Variants in IGSF1 observed in about 807,000 individuals in gnomAD.
The protein encoded by IGSF1 is immunoglobulin superfamily member 1, also known as immunoglobulin-like domain-containing protein 1.
A neutral mutation model predicts 95.3 loss-of-function variants in IGSF1; 40 were observed. The ratio of observed to expected loss-of-function variants is 0.42; its 90% CI spans 0.33 to 0.55. The LOEUF (loss-of-function observed/expected upper bound fraction) is 0.55, where lower values mean the gene tolerates loss of function less well. Among genes scored for constraint, IGSF1 ranks in the 20% least tolerant of loss-of-function variants. The pLI, the probability that IGSF1 is intolerant of heterozygous loss-of-function variation, is 0.10. For synonymous variants in IGSF1, 372 were observed against 382.9 expected, an observed-to-expected ratio of 0.97 and a Z score of 0.33; for missense variants, 906 against 1,025.4, an observed-to-expected ratio of 0.88 and a Z score of 1.59.
chrX:131,284,918 A>G, intron 5 of IGSF1: 1 of 741,376 alleles, frequency 1.3e-6, no homozygotes, highest in Non-Finnish European at 1.7e-6. Flanking sequence ...CAAGTTGAGA[A>G]CAACAAAGCT....
chrX:131,277,145 G>A lies in IGSF1; in HGVS notation c.2402C>T (p.Thr801Ile). 2 of 1,210,996 alleles carry A rather than the reference G, an allele frequency of 1.7e-6. No homozygotes were observed. The highest frequency in any genetic ancestry group is 1.1e-6 in the Non-Finnish European group (1 of 894,788). Residue 801 changes from threonine to isoleucine, a missense_variant, in exon 14 of 20, where the codon ACC becomes ATC. Thr to Ile is a moderately conservative substitution (Grantham distance 89). Coordinates refer to ENST00000361420, the MANE Select transcript of IGSF1 (RefSeq NM_001555.5). ...PGARVTFNCS[T>I]PHQHMSFILY... ...AATAAAGCTCATATGCTGGTGGGGG[G>A]TGGAGCAATTGAAAGTCACTCGGGC...
intron 7 of IGSF1, 38 bp from the exon 8 acceptor site, chrX:131,281,982 C>T: frequency 8.8e-7 from 1 of 1,130,301 alleles, no homozygotes; most frequent in East Asian, 3.0e-5. Flanking sequence ...GAAGTGACCT[C>T]AAACCCAGTA....
At chrX:131,276,581 C>T (rs902040491) in intron 14 of IGSF1, among the ~76,000 whole-genome samples, 5 of 111,188 alleles carry the variant, frequency 4.5e-5, no homozygotes, top group Non-Finnish European at 5.7e-5. Context: ...TCCAGCCCAC[C>T]GGTCTCTGAC....
intron 5 of IGSF1, among the ~76,000 whole-genome samples, chrX:131,283,562 T>C (rs1036811447): frequency 2.7e-5 from 3 of 112,098 alleles, no homozygotes; most frequent in African/African-American, 9.7e-5. Flanking sequence ...ATGCCAAATG[T>C]AGTTCTTTCA....
At position 131,277,168 on chromosome X, in the gene IGSF1, G is replaced by T. The variant is rs2080487559; in HGVS notation, c.2379C>A (p.Ala793=). The change falls in exon 14 of 20, where the codon GCC becomes GCA. Residue 793 remains alanine, a synonymous_variant. Coordinates refer to ENST00000361420, the MANE Select transcript of IGSF1 (RefSeq NM_001555.5). Reference sequence around the variant, plus strand: ...GGGTGGAGCAATTGAAAGTCACTCGGGCACCAGGGGTGACCACAGGGCTGG... The same window carrying T: ...GGGTGGAGCAATTGAAAGTCACTCGTGCACCAGGGGTGACCACAGGGCTGG... The part of the protein sequence containing the change: ...TWASPVVTPG[A]RVTFNCSTPH... 4 of 1,208,907 alleles carry T rather than the reference G, an allele frequency of 3.3e-6. No homozygotes were observed. Among genetic ancestry groups the T allele is most frequent in the Non-Finnish European group, 4.5e-6 (4 of 894,683 alleles).
chrX:131,276,970 C>T lies in IGSF1; in HGVS notation c.2577G>A (p.Glu859=). 8.3e-7 allele frequency: 1 copy of T among 1,211,609 alleles called. No homozygotes were observed. Reference sequence around the variant, plus strand: ...CCACGAGCTCCACAGGGTCGCTGGGCTCAGACCAGATAGAAAAGTCATAAT... The same window carrying T: ...CCACGAGCTCCACAGGGTCGCTGGGTTCAGACCAGATAGAAAAGTCATAAT... ...CRYYDFSIWS[E]PSDPVELVVT... The change falls in exon 14 of 20, where the codon GAG becomes GAA. Residue 859 remains glutamate (E), a synonymous_variant. Coordinates refer to ENST00000361420, the MANE Select transcript of IGSF1 (RefSeq NM_001555.5).
intron 11 of IGSF1, 94 bp from the exon 12 acceptor site, chrX:131,278,845 C>A: frequency 1.2e-6 from 1 of 823,187 alleles, no homozygotes; most frequent in South Asian, 2.4e-5. Flanking sequence ...ACACTGCCCA[C>A]CTCCCCTTGC....
Position 131,275,472 on chromosome X carries a change from C to T in IGSF1, c.3184+6G>A. 1 of 1,207,927 alleles carries T rather than the reference C, an allele frequency of 8.3e-7. No individual in the cohort carries two copies. Among genetic ancestry groups the T allele is most frequent in the Non-Finnish European group, 1.1e-6 (1 of 892,604 alleles). On this transcript the variant is annotated splice_donor_region_variant and intron_variant, in intron 16 of 19. Transcript: ENST00000361420. ...CCATGCCCACTCGACAGCCTCTTCC[C>T]CTTACCTGTGACTAGGAGTTCCAGG...
At position 131,285,481 on chromosome X, in the gene IGSF1, T is replaced by A. The variant is rs1569406943; in HGVS notation, c.380-15A>T. Reference sequence around the variant, plus strand: ...GGGCAGTTGGCCTGGAAGGATAGAATGAACTGGAATTAGGTAAAGCAAGGA... The same window carrying A: ...GGGCAGTTGGCCTGGAAGGATAGAAAGAACTGGAATTAGGTAAAGCAAGGA... On this transcript the variant is annotated splice_polypyrimidine_tract_variant and intron_variant, in intron 4 of 19. Coordinates refer to ENST00000361420, the MANE Select transcript of IGSF1 (RefSeq NM_001555.5). The A allele has an allele frequency of 2.6e-5, 31 of 1,193,554 alleles. No homozygotes were observed. Among genetic ancestry groups the A allele is most frequent in the Non-Finnish European group, 3.3e-5 (29 of 886,738 alleles).
In IGSF1 at chrX:131,285,185, C is replaced by A; in HGVS notation, c.661G>T (p.Val221Leu). The change falls in exon 5 of 20, where the codon GTA (valine) becomes TTA (leucine). Residue 221 changes from valine (V) to leucine (L), a missense_variant. Transcript: ENST00000361420. ...SEPSNPLKLV[V>L]AGLYPKPTLT... ...CAGCCATAGCCACACCCACCTGCTA[C>A]AACCAGCTTCAGGGGGTTGCTGGGC... The A allele has an allele frequency of 8.4e-7, 1 of 1,184,733 alleles. No individual in the cohort carries two copies. Among genetic ancestry groups the A allele is most frequent in the Non-Finnish European group, 1.1e-6 (1 of 880,658 alleles).
intron 7 of IGSF1, 114 bp from the exon 8 acceptor site, chrX:131,282,058 G>T: frequency 1.5e-6 from 1 of 680,570 alleles, no homozygotes; most frequent in Non-Finnish European, 2.2e-6. Flanking sequence ...ACTTCCACTT[G>T]GCCAGTGGCT....
In IGSF1 at chrX:131,274,153, C is replaced by T. The variant is rs775509128; in HGVS notation, c.3805G>A (p.Val1269Met). 6.0e-5 allele frequency: 73 copies of T among 1,209,583 alleles called. No individual in the cohort carries two copies. The highest frequency in any genetic ancestry group is 5.3e-5 in the African/African-American group (3 of 57,063). Residue 1269 changes from valine to methionine, a missense_variant, in exon 19 of 20, where the codon GTG becomes ATG. Val to Met is a conservative substitution (Grantham distance 21). Transcript: ENST00000361420. ...VGNIVRSSLI[V>M]VVVVALGVVL... ...ACCCCCAAGGCTACAACAACCACCA[C>T]GATTAGGCTACTTCGGACAATGTTC...
chrX:131,289,275 A>G lies in IGSF1; in HGVS notation c.-129T>C. On this transcript the variant is annotated 5_prime_UTR_variant, in exon 1 of 20. Transcript: ENST00000361420. ...CAGTGAGCTCCTCCAGATGCAGCAA[A>G]CTGCCCGGCATGAGAAGAGCTGTCT... The G allele has an allele frequency of 2.7e-6, 1 of 375,106 alleles. No homozygotes were observed. The highest frequency in any genetic ancestry group is 2.5e-5 in the African/African-American group (1 of 39,749). The allele number at this position is 375,106 out of a possible 1,213,427, so 30.9% of individuals were successfully genotyped here. A position where few individuals can be genotyped will look rare whatever the true frequency, so the allele number is the denominator to read the frequency against.
In IGSF1 at chrX:131,283,030, G is replaced by A; in HGVS notation, c.902C>T (p.Ala301Val). ...TGHYLCFYYDASYRGSLLSDV... is the reference protein window; with the variant it reads ...TGHYLCFYYDVSYRGSLLSDV... ...ACTAAGGAGTGAACCTCTATATGAT[G>A]CGTCATAGTAAAAACAGAGGTAATG... Residue 301 changes from alanine to valine, a missense_variant, in exon 6 of 20, where the codon GCA becomes GTA. Ala to Val is a moderately conservative substitution (Grantham distance 64, BLOSUM62 0). Around this residue, in one of 5 missense-constraint regions of IGSF1, gnomAD observed 442 missense variants for 448.1 expected, o/e 0.99. Coordinates refer to ENST00000361420, the MANE Select transcript of IGSF1 (RefSeq NM_001555.5). 2 of 1,205,370 alleles carry A rather than the reference G, an allele frequency of 1.7e-6. No homozygotes were observed. Among genetic ancestry groups the A allele is most frequent in the Non-Finnish European group, 2.2e-6 (2 of 889,541 alleles).
In IGSF1 at chrX:131,278,038, G is replaced by A. The variant is rs1398125590; in HGVS notation, c.2138C>T (p.Ala713Val). 4 of 1,209,257 alleles carry A rather than the reference G, an allele frequency of 3.3e-6. No individual in the cohort carries two copies. The African/African-American group carries it at 7.0e-5, about 21-fold the overall frequency. The change falls in exon 13 of 20, where the codon GCT becomes GTT. Residue 713 changes from alanine (A) to valine (V), a missense_variant. Around this residue, in one of 5 missense-constraint regions of IGSF1, gnomAD observed 411 missense variants for 494.9 expected, o/e 0.83. Transcript: ENST00000361420. ...CKGWLAGMGF[A>V]LYKEGEQEPV... The stretch of plus-strand genomic sequence containing the variant: ...TTCTTGCTCTCCCTCCTTATACAGA[G>A]CAAACCCCATGCCTGCCAGCCATCC...
chrX:131,281,155 G>A (rs1012052692), intron 9 of IGSF1, 63 bp downstream of exon 9: 1 of 1,170,049 alleles, frequency 8.5e-7, no homozygotes, highest in South Asian at 1.8e-5. Context: ...TCTCAACTAG[G>A]GCATGACTCA....
Position 131,289,041 on chromosome X carries a change from G to A in IGSF1, c.-68+173C>T, listed in dbSNP as rs749504171. ...TCTCACCGAGGCAGGTCTGGGATCC[G>A]GGAAGGAAAGGAGAAAGGCAGGAAT... On this transcript the variant is annotated intron_variant, in intron 1 of 19. Coordinates refer to ENST00000361420, the MANE Select transcript of IGSF1 (RefSeq NM_001555.5). 1.2e-3 allele frequency: 338 copies of A among 287,026 alleles called. 1 individual carries two copies. Among genetic ancestry groups the A allele is most frequent in the Middle Eastern group, 3.6e-3 (7 of 1,962 alleles). 23.7% of individuals were successfully genotyped at this position (287,026 alleles called of 1,213,427 possible). A position where few individuals can be genotyped will look rare whatever the true frequency, so the allele number is the denominator to read the frequency against.
upstream of IGSF1, chrX:131,289,395 G>A (rs756378983): frequency 8.5e-6 from 3 of 353,865 alleles, no homozygotes; most frequent in African/African-American, 2.7e-5. Context: ...CGCCGGGCTC[G>A]GGGAGCCCAC....
chrX:131,285,127 A>G (rs767868553), intron 5 of IGSF1, 52 bp downstream of exon 5: 2 of 1,144,076 alleles, frequency 1.7e-6, no homozygotes, highest in Non-Finnish European at 2.3e-6. Flanking sequence ...TCAGCCAGCC[A>G]TGATACCTGG....
Sources: allele counts gnomAD v4.1 joint callset (sites outside exome capture counted in the v4.1 genomes callset), GRCh38; gene constraint gnomAD v4.1.1; regional missense constraint gnomAD v4.1.1; transcripts MANE v1.5; gene names NCBI Gene and HGNC (gene_info 2026-07-23, HGNC 2026-07-21).